GRID1: variants seen among roughly 807,000 people sequenced by gnomAD.
The protein encoded by GRID1 is glutamate ionotropic receptor delta type subunit 1, also known as glutamate receptor ionotropic, delta-1.
GRID1 carries 28 observed loss-of-function variants against 98.0 expected under a neutral mutation model. The observed-to-expected ratio is 0.29, with a 90% CI of 0.21 to 0.39. The LOEUF (loss-of-function observed/expected upper bound fraction) is 0.39, where lower values mean the gene tolerates loss of function less well. GRID1 is among the 10% of genes least tolerant of loss of function. The probability of loss-of-function intolerance (pLI) is 1.00; values close to 1 mark genes in which losing one functional copy is unlikely to be tolerated. For synonymous variants in GRID1, 553 were observed against 538.5 expected (o/e 1.03, Z -0.37); for missense variants, 1,111 against 1,340.5 (o/e 0.83, Z 2.67).
chr10:86,287,040 G>A (rs1847441221), intron 2 of GRID1, among the ~76,000 whole-genome samples: 1 of 152,188 alleles, frequency 6.6e-6, no homozygotes, highest in African/African-American at 2.4e-5. Flanking sequence ...CAGTTCCGTA[G>A]GGACTTGAGG....
chr10:85,752,208 G>C (rs189553133), intron 8 of GRID1, among the ~76,000 whole-genome samples: 29 of 152,270 alleles, frequency 1.9e-4, no homozygotes, highest in Middle Eastern at 3.4e-3. Context: ...ACATCCCAGA[G>C]CTGGCCCTGA....
intron 2 of GRID1, among the ~76,000 whole-genome samples, chr10:86,362,006 C>T (rs180850921): frequency 1.3e-5 from 2 of 152,288 alleles, no homozygotes; most frequent in East Asian, 3.9e-4. Flanking sequence ...CATTCAGAGG[C>T]AAAATGAATG....
intron 8 of GRID1, among the ~76,000 whole-genome samples, chr10:85,822,431 G>GA (rs1275523243): frequency 6.6e-6 from 1 of 152,152 alleles, no homozygotes; most frequent in African/African-American, 2.4e-5. Flanking sequence ...ACAGACACAT[G>GA]AAAAAATGCT....
In GRID1 at chr10:86,206,306, C is replaced by T; in HGVS notation, c.520+58G>A. ...AGGGCCCCACCCACTCTCAGGTCTC[C>T]CAGCATCTGGCCATCCCTGTCCCCA... On this transcript the variant is annotated intron_variant, in intron 3 of 15. Transcript: ENST00000327946. This position sits in a 1 kb window ranked among gnomAD's most constrained non-coding sequence, Gnocchi z 4.1. 6.5e-7 allele frequency: 1 copy of T among 1,528,820 alleles called. No individual in the cohort carries two copies. The highest frequency in any genetic ancestry group is 8.9e-7 in the Non-Finnish European group (1 of 1,129,068). The allele number at this position is 1,528,820 out of a possible 1,614,324, so 94.7% of individuals were successfully genotyped here. A position where few individuals can be genotyped will look rare whatever the true frequency, so the allele number is the denominator to read the frequency against.
chr10:85,645,170 G>A (rs1564687450), intron 13 of GRID1, among the ~76,000 whole-genome samples: 1 of 151,296 alleles, frequency 6.6e-6, no homozygotes, highest in Non-Finnish European at 1.5e-5. Context: ...TTTCTAAGCA[G>A]TGCTTTTTTT....
intron 2 of GRID1, among the ~76,000 whole-genome samples, chr10:86,297,914 T>C (rs1475522861): frequency 6.6e-6 from 1 of 152,202 alleles, no homozygotes; most frequent in Non-Finnish European, 1.5e-5. Flanking sequence ...AAAGGCTTAA[T>C]TGCCACATCA....
At chr10:85,873,995 A>G (rs986874571) in intron 5 of GRID1, among the ~76,000 whole-genome samples, 1 of 152,202 alleles carries the variant, frequency 6.6e-6, no homozygotes, top group East Asian at 1.9e-4. Flanking sequence ...GCACAATCAC[A>G]TTGTATGACT....
chr10:86,253,274 T>G (rs1200636969), intron 2 of GRID1, among the ~76,000 whole-genome samples: 1 of 152,256 alleles, frequency 6.6e-6, no homozygotes, highest in Non-Finnish European at 1.5e-5. Context: ...ATCGGAGGCC[T>G]GCTCTTGGGA....
At chr10:85,781,374 A>G (rs1377549270) in intron 8 of GRID1, among the ~76,000 whole-genome samples, 2 of 152,248 alleles carry the variant, frequency 1.3e-5, no homozygotes, top group African/African-American at 4.8e-5. Context: ...CCACATAAGC[A>G]TGATTAGCTC....
intron 15 of GRID1, among the ~76,000 whole-genome samples, chr10:85,611,228 C>A (rs1011685394): frequency 6.6e-6 from 1 of 152,174 alleles, no homozygotes; most frequent in African/African-American, 2.4e-5. Flanking sequence ...CACACATAGA[C>A]CACAACAATT....
In GRID1 at chr10:86,280,064, A is replaced by G. The variant is rs543071296; in HGVS notation, c.236-73416T>C. ...CCACAAATTTAAAAATTAGCCAGGC[A>G]TAGTGGTGCACATCTTTACTCGCAG... On this transcript the variant is annotated intron_variant, in intron 2 of 15. Coordinates refer to ENST00000327946, the MANE Select transcript of GRID1 (RefSeq NM_017551.3). Among the ~76,000 whole-genome samples, 5 of 152,250 alleles carry G rather than the reference A, an allele frequency of 3.3e-5. No homozygotes were observed. In the East Asian group the frequency reaches 7.7e-4, roughly 24 times the overall value.
intron 4 of GRID1, among the ~76,000 whole-genome samples, chr10:85,999,914 A>T (rs566620566): frequency 3.3e-5 from 5 of 152,352 alleles, no homozygotes; most frequent in African/African-American, 1.2e-4. Flanking sequence ...AGAACAAAAA[A>T]AGGTAAAGAT....
chr10:85,769,126 G>T (rs1357790878), intron 8 of GRID1, among the ~76,000 whole-genome samples: 2 of 152,172 alleles, frequency 1.3e-5, no homozygotes, highest in African/African-American at 2.4e-5. Context: ...GAACTAATAT[G>T]AAAATAACTG....
rs557381137 is a variant in GRID1 at position 85,722,199 on chromosome 10, A to T, written c.1997+804T>A. Among the ~76,000 whole-genome samples the T allele has an allele frequency of 9.8e-5, 15 of 152,326 alleles. No homozygotes were observed. The South Asian group carries it at 3.1e-3, about 32-fold the overall frequency. On this transcript the variant is annotated intron_variant, in intron 12 of 15. Transcript: ENST00000327946. ...TAAGAGCTATGGATCAAAAGAACCAATATGATGACAGTGAGTGTGATGAAT... is the reference window on the plus strand; with the variant it reads ...TAAGAGCTATGGATCAAAAGAACCATTATGATGACAGTGAGTGTGATGAAT...
intron 5 of GRID1, among the ~76,000 whole-genome samples, chr10:85,898,901 A>C (rs1470649766): frequency 6.6e-6 from 1 of 152,254 alleles, no homozygotes; most frequent in East Asian, 1.9e-4. Context: ...GCCTATTATT[A>C]TTCTCAAGTA....
At chr10:86,296,208 A>C (rs2132078454) in intron 2 of GRID1, among the ~76,000 whole-genome samples, 1 of 152,326 alleles carries the variant, frequency 6.6e-6, no homozygotes, top group East Asian at 1.9e-4. Flanking sequence ...CCATTAGCAA[A>C]ATTCTGTGAC....
chr10:85,997,731 C>T (rs1842756928), intron 4 of GRID1, among the ~76,000 whole-genome samples: 1 of 151,718 alleles, frequency 6.6e-6, no homozygotes, highest in African/African-American at 2.4e-5. Flanking sequence ...TTACTAAATG[C>T]ATTAAATGTA....
chr10:85,661,170 T>TC (rs1240661966), intron 12 of GRID1, among the ~76,000 whole-genome samples: 1 of 139,894 alleles, frequency 7.1e-6, no homozygotes, highest in African/African-American at 2.6e-5. Flanking sequence ...TGAATCTGCA[T>TC]TTTTTTTTTT....
chr10:86,186,833 C>T (rs1845731618), intron 3 of GRID1, among the ~76,000 whole-genome samples: 2 of 152,222 alleles, frequency 1.3e-5, no homozygotes, highest in Non-Finnish European at 2.9e-5. Context: ...ACCATAGCCA[C>T]AAAACACAGA....
Sources: allele counts gnomAD v4.1 joint callset (sites outside exome capture counted in the v4.1 genomes callset), GRCh38; gene constraint gnomAD v4.1.1; non-coding constraint Gnocchi (gnomAD v3.1); transcripts MANE v1.5; gene names NCBI Gene and HGNC (gene_info 2026-07-23, HGNC 2026-07-21).